ANKRD30B: variants seen among roughly 807,000 people sequenced by gnomAD.
The protein encoded by ANKRD30B is ankyrin repeat domain 30B, also known as ankyrin repeat domain-containing protein 30B.
A neutral mutation model predicts 202.2 loss-of-function variants in ANKRD30B; 144 were observed. The ratio of observed to expected loss-of-function variants is 0.71; its 90% CI spans 0.62 to 0.82. The LOEUF (loss-of-function observed/expected upper bound fraction) is 0.82, where lower values mean the gene tolerates loss of function less well. Ranked by LOEUF, ANKRD30B falls within the 40% of genes least tolerant of loss-of-function variation. The pLI is 0.00. For missense variants in ANKRD30B, 1,487 were observed against 1,669.1 expected, an observed-to-expected ratio of 0.89 and a Z score of 1.90; for synonymous variants, 508 against 561.3, an observed-to-expected ratio of 0.91 and a Z score of 1.34.
In ANKRD30B at chr18:14,810,111, A is replaced by G. The variant is rs1969825530; in HGVS notation, c.2419A>G (p.Thr807Ala). 1 of 1,496,596 alleles carries G rather than the reference A, an allele frequency of 6.7e-7. No homozygotes were observed. Among genetic ancestry groups the G allele is most frequent in the African/African-American group, 1.4e-5 (1 of 70,910 alleles). 92.7% of individuals were successfully genotyped at this position (1,496,596 alleles called of 1,614,324 possible). ...SPDKDGLLKP[T>A]CVRKVSLPNK... Reference sequence around the variant, plus strand: ...TTGTGTTTCCAAACCCATTTAGCCTACCTGTGTAAGGAAAGTTTCTCTTCC... The same window carrying G: ...TTGTGTTTCCAAACCCATTTAGCCTGCCTGTGTAAGGAAAGTTTCTCTTCC... The change falls in exon 28 of 44, where the codon ACC (threonine) becomes GCC (alanine). Residue 807 changes from threonine (T) to alanine (A), a missense_variant. Physicochemically the swap from Thr to Ala is moderately conservative, Grantham distance 58. This residue lies in a region of ANKRD30B where 218 missense variants were observed against 320.1 expected (regional missense o/e 0.68). Coordinates refer to ENST00000690538, the MANE Select transcript of ANKRD30B (RefSeq NM_001367607.2).
At chr18:14,918,160 G>T in the ANKRD30B span, among the ~76,000 whole-genome samples, 1 of 152,120 alleles carries the variant, frequency 6.6e-6, no homozygotes, top group Non-Finnish European at 1.5e-5. Flanking sequence ...GTTTACTTTA[G>T]TTCCCTTCCC....
intron 42 of ANKRD30B, 33 bp downstream of exon 42, chr18:14,852,453 C>G (rs1263710263): frequency 2.0e-6 from 3 of 1,502,328 alleles, no homozygotes; most frequent in Non-Finnish European, 2.6e-6. Context: ...ACTTTTCAAA[C>G]TTCCTGAAAG....
chr18:14,827,264 A>T (rs886963455), intron 32 of ANKRD30B, among the ~76,000 whole-genome samples: 5 of 152,198 alleles, frequency 3.3e-5, no homozygotes, highest in Middle Eastern at 3.2e-3. Flanking sequence ...ATGGAACAGG[A>T]TGCCTTAATA....
At chr18:14,849,019 G>T in intron 40 of ANKRD30B, 90 bp downstream of exon 40, 4 of 1,332,788 alleles carry the variant, frequency 3.0e-6, no homozygotes, top group Non-Finnish European at 3.9e-6. Context: ...TACCTTCTGA[G>T]ATTTAACTGG....
At chr18:14,930,055 A>G in the ANKRD30B span, among the ~76,000 whole-genome samples, 1 of 152,194 alleles carries the variant, frequency 6.6e-6, no homozygotes, top group Non-Finnish European at 1.5e-5. Flanking sequence ...TACTTCAGCC[A>G]TGTTAGATGA....
chr18:14,860,887 T>C, the ANKRD30B span, among the ~76,000 whole-genome samples: 1 of 151,986 alleles, frequency 6.6e-6, no homozygotes, highest in Non-Finnish European at 1.5e-5. Context: ...GTATTTTTAA[T>C]AGGGAGTTTC....
chr18:14,797,711 T>A, intron 19 of ANKRD30B, 22 bp downstream of exon 19: 1 of 1,608,958 alleles, frequency 6.2e-7, no homozygotes, highest in Non-Finnish European at 8.5e-7. Flanking sequence ...TATGTCTCTA[T>A]CTTGAATATT....
chr18:14,821,987 G>A (rs1970447464), intron 30 of ANKRD30B, among the ~76,000 whole-genome samples: 2 of 152,128 alleles, frequency 1.3e-5, no homozygotes, highest in South Asian at 4.1e-4. Context: ...TCTCATCGGA[G>A]CTTTGCAATT....
chr18:14,798,961 C>T, intron 20 of ANKRD30B, 140 bp from the exon 21 acceptor site: 1 of 938,834 alleles, frequency 1.1e-6, no homozygotes, highest in Non-Finnish European at 1.7e-6. Context: ...TACAATAACC[C>T]AAAAGACCCC....
At chr18:14,928,315 C>CA in the ANKRD30B span, among the ~76,000 whole-genome samples, 1 of 152,004 alleles carries the variant, frequency 6.6e-6, no homozygotes, top group African/African-American at 2.4e-5. Flanking sequence ...ATAGGGTGCC[C>CA]AAAACAGATA....
At chr18:14,867,771 C>T in the ANKRD30B span, among the ~76,000 whole-genome samples, 1 of 152,198 alleles carries the variant, frequency 6.6e-6, no homozygotes, top group African/African-American at 2.4e-5. Context: ...AGGAGGCCAG[C>T]TTGGTCTAGG....
rs1914276717 is a variant in ANKRD30B at position 14,755,907 on chromosome 18, G to A, written c.617+902G>A. On this transcript the variant is annotated intron_variant, in intron 4 of 43. Transcript: ENST00000690538. ...ATAGCAGCATGATTTAGAGTCCTTT[G>A]GGTATATACCCAGTAATGGGATGGC... 4.0e-5 allele frequency among the ~76,000 whole-genome samples: 6 copies of A among 151,670 alleles called. 1 individual carries two copies. In the South Asian group the frequency reaches 1.3e-3, roughly 32 times the overall value.
chr18:14,884,762 G>A, the ANKRD30B span, among the ~76,000 whole-genome samples: 1 of 152,188 alleles, frequency 6.6e-6, no homozygotes, highest in East Asian at 1.9e-4. Flanking sequence ...CTGGAAAGAG[G>A]CTAGGACTAT....
In ANKRD30B at chr18:14,821,669, G is replaced by C. The variant is rs1361028108; in HGVS notation, c.2642-814G>C. ...GACAGGGTTTCGCTATTTTGGCCAG[G>C]CTGCTTTGGAACTCCTGGACTCGAG... is the stretch of plus-strand genomic sequence containing the variant. On this transcript the variant is annotated intron_variant, in intron 30 of 43. Coordinates refer to ENST00000690538, the MANE Select transcript of ANKRD30B (RefSeq NM_001367607.2). Among the ~76,000 whole-genome samples, 16 of 152,234 alleles carry C rather than the reference G, an allele frequency of 1.1e-4. No individual in the cohort carries two copies. The East Asian group carries it at 3.1e-3, about 29-fold the overall frequency.
rs977036911 is a variant in ANKRD30B, at chr18:14,778,127, T to C, written c.1420+52T>C. 10 of 1,238,982 alleles carry C rather than the reference T, an allele frequency of 8.1e-6. No individual in the cohort carries two copies. In the African/African-American group the frequency reaches 1.5e-4, roughly 19 times the overall value. 76.7% of individuals were successfully genotyped at this position (1,238,982 alleles called of 1,614,324 possible). The stretch of plus-strand genomic sequence containing the variant: ...TCTTTTGACCAAATGTTTGTCTAAA[T>C]TCATGAGGACTGATATACTCTGACA... On this transcript the variant is annotated intron_variant, in intron 10 of 43. Coordinates refer to ENST00000690538, the MANE Select transcript of ANKRD30B (RefSeq NM_001367607.2).
intron 6 of ANKRD30B, among the ~76,000 whole-genome samples, chr18:14,761,027 A>G (rs1164853505): frequency 1.3e-5 from 2 of 152,148 alleles, no homozygotes; most frequent in Admixed American, 1.3e-4. Context: ...GTAACAGGGG[A>G]TGATCAGGTC....
intron 34 of ANKRD30B, among the ~76,000 whole-genome samples, chr18:14,833,271 G>A (rs1321387149): frequency 2.6e-5 from 4 of 151,500 alleles, no homozygotes; most frequent in East Asian, 3.9e-4. Flanking sequence ...TTTTTGAGAC[G>A]GAGTCTCGCT....
chr18:14,929,522 C>T, the ANKRD30B span, among the ~76,000 whole-genome samples: 2 of 152,180 alleles, frequency 1.3e-5, no homozygotes, highest in African/African-American at 2.4e-5. Context: ...ATAGTTTCTT[C>T]AGGCCTATAT....
chr18:14,936,328 G>T, the ANKRD30B span, among the ~76,000 whole-genome samples: 2 of 152,118 alleles, frequency 1.3e-5, no homozygotes, highest in African/African-American at 2.4e-5. Context: ...GGCTGCCAAA[G>T]GTACATCTAA....
Sources: gnomAD v4.1 joint callset for allele counts (sites outside exome capture counted in the v4.1 genomes callset) on GRCh38, gnomAD v4.1.1 for gene constraint, gnomAD v4.1.1 regional missense constraint, MANE v1.5 for transcripts, NCBI Gene and HGNC (gene_info 2026-07-23, HGNC 2026-07-21) for gene names.